FAM13A: variants seen among roughly 807,000 people sequenced by gnomAD.
FAM13A encodes family with sequence similarity 13 member A.
In FAM13A, 76 loss-of-function variants were observed where a neutral mutation model predicts 129.6. The ratio of observed to expected loss-of-function variants is 0.59; its 90% confidence interval spans 0.49 to 0.71. The LOEUF is 0.71. Among genes scored for constraint, FAM13A ranks in the 30% least tolerant of loss-of-function variants. The pLI is 0.00. For synonymous variants in FAM13A, 443 were observed against 449.9 expected (o/e 0.98, Z 0.20); for missense variants, 1,108 against 1,249.3 (o/e 0.89, Z 1.70).
intron 5 of FAM13A, chr4:88,936,909 T>C (rs912666752): frequency 2.6e-5 from 4 of 152,212 alleles, no homozygotes; most frequent in Admixed American, 2.6e-4. Context: ...TTTAACATTT[T>C]AAAAAGAGAT....
At chr4:88,761,811 T>C (rs939507294) in intron 13 of FAM13A, among the ~76,000 whole-genome samples, 1 of 151,916 alleles carries the variant, frequency 6.6e-6, no homozygotes, top group Non-Finnish European at 1.5e-5. Flanking sequence ...AAGACAAAAC[T>C]TATTAATTCA....
chr4:88,902,023 C>T (rs982199896), intron 6 of FAM13A, among the ~76,000 whole-genome samples: 5 of 152,050 alleles, frequency 3.3e-5, no homozygotes, highest in Non-Finnish European at 5.9e-5. Context: ...TGTTTAAATT[C>T]CTGGACACAT....
intron 11 of FAM13A, among the ~76,000 whole-genome samples, chr4:88,774,839 G>A (rs1721362751): frequency 6.6e-6 from 1 of 152,160 alleles, no homozygotes; most frequent in South Asian, 2.1e-4. Context: ...AAAGGACTTG[G>A]AAAATGACTA....
At position 88,906,763 on chromosome 4, in the gene FAM13A, T is replaced by C. The variant is rs188404149; in HGVS notation, c.760-301A>G. On this transcript the variant is annotated intron_variant, in intron 5 of 23. Transcript: ENST00000264344. ...CATTTTATCACATACATATCCAGTATAGACAGCTTGCTCTTCTTTTGAGAA... is the reference window on the plus strand; with the variant it reads ...CATTTTATCACATACATATCCAGTACAGACAGCTTGCTCTTCTTTTGAGAA... Among the ~76,000 whole-genome samples, 341 of 152,350 alleles carry C rather than the reference T, an allele frequency of 2.2e-3. 2 individuals are homozygous for C. The highest frequency in any genetic ancestry group is 7.5e-3 in the African/African-American group (312 of 41,584).
In FAM13A at chr4:88,748,003, C is replaced by A. The variant is rs1053807146; in HGVS notation, c.2162-152G>T. On this transcript the variant is annotated intron_variant, in intron 17 of 23. Coordinates refer to ENST00000264344, the MANE Select transcript of FAM13A (RefSeq NM_014883.4). ...CTCCTGGGTTCACGCCATTCTCCTG[C>A]CTCAGTCTCCTGAGTAGCTGGGACT... 13 of 594,506 alleles carry A rather than the reference C, an allele frequency of 2.2e-5. No homozygotes were observed. In the Admixed American group the frequency reaches 2.7e-4, roughly 12 times the overall value. 36.8% of individuals were successfully genotyped at this position (594,506 alleles called of 1,614,324 possible). A position where few individuals can be genotyped will look rare whatever the true frequency, so the allele number is the denominator to read the frequency against.
chr4:88,884,203 C>CA (rs147168893), intron 6 of FAM13A, among the ~76,000 whole-genome samples: 45,308 of 151,346 alleles, frequency 0.3, 7,227 homozygotes, highest in African/African-American at 0.39. Context: ...AAGGACATAA[C>CA]AAAAAAAAGA....
intron 7 of FAM13A, among the ~76,000 whole-genome samples, chr4:88,820,555 T>C (rs925539628): frequency 6.6e-6 from 1 of 152,238 alleles, no homozygotes; most frequent in Non-Finnish European, 1.5e-5. Flanking sequence ...TAAGGTCAGA[T>C]ATTAAATATG....
chr4:88,928,982 T>C (rs572888631), intron 5 of FAM13A, among the ~76,000 whole-genome samples: 41 of 152,318 alleles, frequency 2.7e-4, no homozygotes, highest in Middle Eastern at 3.4e-3. Context: ...ATAAGAACTC[T>C]GAGTTTCATA....
intron 5 of FAM13A, among the ~76,000 whole-genome samples, chr4:88,913,361 GAGAAGAGGA>G (rs1244239876): frequency 7.1e-6 from 1 of 141,322 alleles, no homozygotes; most frequent in Non-Finnish European, 1.5e-5. Flanking sequence ...GGAGGAAGAA[GAGAAGAGGA>G]AGAAGAGGAG....
At chr4:88,749,534 A>C (rs1742099246) in intron 16 of FAM13A, among the ~76,000 whole-genome samples, 1 of 152,204 alleles carries the variant, frequency 6.6e-6, no homozygotes, top group Admixed American at 6.5e-5. Flanking sequence ...TGATTAATTT[A>C]TAAAATGTAG....
chr4:88,777,648 C>T (rs1303975994), intron 11 of FAM13A, among the ~76,000 whole-genome samples: 1 of 152,194 alleles, frequency 6.6e-6, no homozygotes, highest in African/African-American at 2.4e-5. Flanking sequence ...ATAGTTCCCA[C>T]TGTAAAGACA....
intron 4 of FAM13A, among the ~76,000 whole-genome samples, chr4:88,953,316 G>A (rs577738427): frequency 1.1e-4 from 17 of 152,008 alleles, no homozygotes; most frequent in Admixed American, 7.2e-4. Context: ...TTAGCCGGGC[G>A]TGGTGGCAGG....
intron 7 of FAM13A, among the ~76,000 whole-genome samples, chr4:88,831,074 C>T (rs921111634): frequency 1.3e-5 from 2 of 151,740 alleles, no homozygotes; most frequent in African/African-American, 4.8e-5. Flanking sequence ...TTCGAGACAA[C>T]TTATGTAATT....
At chr4:89,026,446 T>C (rs1419672831) in intron 2 of FAM13A, among the ~76,000 whole-genome samples, 4 of 152,172 alleles carry the variant, frequency 2.6e-5, no homozygotes, top group Admixed American at 2.6e-4. Flanking sequence ...TCTTAAGTTT[T>C]CAGAAAAAAA....
intron 7 of FAM13A, among the ~76,000 whole-genome samples, chr4:88,845,503 C>T (rs1027123884): frequency 2.6e-5 from 4 of 151,520 alleles, no homozygotes; most frequent in African/African-American, 7.3e-5. Context: ...GACAGAAGGG[C>T]GAGGGAAGGA....
chr4:88,837,156 G>A (rs932190004), intron 7 of FAM13A, among the ~76,000 whole-genome samples: 3 of 150,286 alleles, frequency 2.0e-5, no homozygotes, highest in Non-Finnish European at 3.0e-5. Context: ...CACCATGCCT[G>A]GCTAATTTTG....
chr4:88,751,010 G>C (rs996487961), intron 14 of FAM13A, among the ~76,000 whole-genome samples: 1 of 152,258 alleles, frequency 6.6e-6, no homozygotes, highest in African/African-American at 2.4e-5. Flanking sequence ...GGGAAGCCAA[G>C]GCGGACGGAT....
At chr4:88,988,178 G>GAA (rs966657116) in intron 4 of FAM13A, among the ~76,000 whole-genome samples, 3 of 151,220 alleles carry the variant, frequency 2.0e-5, no homozygotes, top group Non-Finnish European at 4.4e-5. Context: ...CAATGTGGTT[G>GAA]AAAAAAAAAG....
At chr4:88,752,995 G>T (rs1051522463) in intron 14 of FAM13A, among the ~76,000 whole-genome samples, 1 of 152,216 alleles carries the variant, frequency 6.6e-6, no homozygotes, top group Non-Finnish European at 1.5e-5. Context: ...TGGGGACAGA[G>T]GGCTTTGGCA....
Sources: allele counts gnomAD v4.1 joint callset (sites outside exome capture counted in the v4.1 genomes callset), GRCh38; gene constraint gnomAD v4.1.1; transcripts MANE v1.5; gene names NCBI Gene and HGNC (gene_info 2026-07-23, HGNC 2026-07-21).